The following SBF2 variants were observed in gnomAD, a reference collection of about 807,000 sequenced individuals.
The protein encoded by SBF2 is SET binding factor 2, also known as myotubularin-related protein 13.
A neutral mutation model predicts 225.2 loss-of-function variants in SBF2; 112 were observed. The ratio of observed to expected loss-of-function variants is 0.50; its 90% CI spans 0.43 to 0.58. The LOEUF is 0.58. Ranked by LOEUF, SBF2 falls within the 20% of genes least tolerant of loss-of-function variation. The pLI, the probability that SBF2 is intolerant of heterozygous loss-of-function variation, is 0.00. For missense variants in SBF2, 1,996 were observed against 2,206.2 expected, an observed-to-expected ratio of 0.90 and a Z score of 1.91; for synonymous variants, 763 against 773.3, an observed-to-expected ratio of 0.99 and a Z score of 0.22.
chr11:9,961,772 C>A (rs1866585283), intron 16 of SBF2, 185 bp downstream of exon 16: 4 of 530,756 alleles, frequency 7.5e-6, no homozygotes, highest in South Asian at 6.0e-5. Context: ...AAAGAAAGAA[C>A]AAAAACTCTT....
At chr11:9,813,270 A>G (rs2133905618) in intron 29 of SBF2, among the ~76,000 whole-genome samples, 1 of 152,326 alleles carries the variant, frequency 6.6e-6, no homozygotes, top group East Asian at 1.9e-4. Flanking sequence ...GTAGAGATAA[A>G]TATTGAGAAA....
chr11:9,846,723 G>A (rs112549556), intron 23 of SBF2, among the ~76,000 whole-genome samples: 1 of 152,190 alleles, frequency 6.6e-6, no homozygotes, highest in Non-Finnish European at 1.5e-5. Context: ...AAGTTTCTAA[G>A]ATCACTCATT....
chr11:9,847,573 T>A (rs1305233664), intron 22 of SBF2, among the ~76,000 whole-genome samples: 1 of 150,950 alleles, frequency 6.6e-6, no homozygotes, highest in Non-Finnish European at 1.5e-5. Flanking sequence ...ATATTTAATA[T>A]AAGGATAAAG....
At chr11:10,226,453 T>C (rs575536430) in intron 1 of SBF2, among the ~76,000 whole-genome samples, 30 of 152,050 alleles carry the variant, frequency 2.0e-4, no homozygotes, top group Non-Finnish European at 3.7e-4. Context: ...TAGCATTAGG[T>C]GTATCTCCTA....
intron 2 of SBF2, among the ~76,000 whole-genome samples, chr11:10,043,560 C>T (rs1244824666): frequency 6.8e-6 from 1 of 147,780 alleles, no homozygotes; most frequent in Non-Finnish European, 1.5e-5. Flanking sequence ...TCCAGAAATA[C>T]TTGCAGGTTA....
chr11:10,184,753 G>C (rs1167717085), intron 2 of SBF2, among the ~76,000 whole-genome samples: 1 of 152,148 alleles, frequency 6.6e-6, no homozygotes, highest in Non-Finnish European at 1.5e-5. Context: ...TTGAGACGGA[G>C]TCTCACTCTG....
At position 9,847,678 on chromosome 11, in the gene SBF2, G is replaced by A. The variant is rs114303163; in HGVS notation, c.2807-595C>T. Reference sequence around the variant, plus strand: ...TTGGAAAACAAGCCTGGACTTAAGCGCAAGACTTTTAGGAGTTTATTAAAG... The same window carrying A: ...TTGGAAAACAAGCCTGGACTTAAGCACAAGACTTTTAGGAGTTTATTAAAG... On this transcript the variant is annotated intron_variant, in intron 22 of 39. Coordinates refer to ENST00000256190, the MANE Select transcript of SBF2 (RefSeq NM_030962.4). Among the ~76,000 whole-genome samples the A allele has an allele frequency of 4.7e-3, 713 of 152,198 alleles. 3 individuals are homozygous for A. The highest frequency in any genetic ancestry group is 0.016 in the African/African-American group (665 of 41,540).
chr11:10,008,646 A>T (rs1948304121), intron 6 of SBF2, among the ~76,000 whole-genome samples: 1 of 152,264 alleles, frequency 6.6e-6, no homozygotes, highest in African/African-American at 2.4e-5. Flanking sequence ...TCAATGGGAC[A>T]GATGGGAAAA....
chr11:9,907,493 C>CA (rs1274475992), intron 16 of SBF2, among the ~76,000 whole-genome samples: 2 of 151,878 alleles, frequency 1.3e-5, no homozygotes, highest in African/African-American at 4.8e-5. Context: ...CAATGTTAAG[C>CA]AAAAAATAGG....
chr11:10,128,197 C>A (rs1953852777), intron 2 of SBF2, among the ~76,000 whole-genome samples: 1 of 152,196 alleles, frequency 6.6e-6, no homozygotes, highest in Non-Finnish European at 1.5e-5. Flanking sequence ...TAAACACACA[C>A]TTGTTTGTTT....
chr11:9,976,358 C>T (rs1946682652), intron 13 of SBF2, among the ~76,000 whole-genome samples: 1 of 152,132 alleles, frequency 6.6e-6, no homozygotes, highest in Admixed American at 6.5e-5. Flanking sequence ...AGGCGTGAGC[C>T]ACTGCGCCTG....
chr11:10,144,994 A>G (rs542962064), intron 2 of SBF2, among the ~76,000 whole-genome samples: 1 of 152,250 alleles, frequency 6.6e-6, no homozygotes, highest in Non-Finnish European at 1.5e-5. Flanking sequence ...CTGTTGCTAC[A>G]TAATAAATTA....
At chr11:9,977,399 A>G (rs1946745904) in intron 13 of SBF2, among the ~76,000 whole-genome samples, 1 of 151,594 alleles carries the variant, frequency 6.6e-6, no homozygotes. Flanking sequence ...AAGCAGGAGG[A>G]TTGCTTGAAC....
intron 17 of SBF2, among the ~76,000 whole-genome samples, chr11:9,873,656 C>T (rs1334039490): frequency 4.6e-5 from 7 of 152,144 alleles, no homozygotes; most frequent in African/African-American, 1.4e-4. Context: ...GAGGCATATA[C>T]CTAGAAAGTT....
At chr11:10,088,688 C>A (rs937043430) in intron 2 of SBF2, among the ~76,000 whole-genome samples, 7 of 152,200 alleles carry the variant, frequency 4.6e-5, no homozygotes, top group African/African-American at 1.4e-4. Flanking sequence ...ACCTCCCCAT[C>A]CCCTGCAGAA....
At position 9,799,010 on chromosome 11, in the gene SBF2, A is replaced by G. The variant is rs80291067; in HGVS notation, c.4444-3053T>C. On this transcript the variant is annotated intron_variant, in intron 32 of 39. Transcript: ENST00000256190. The stretch of plus-strand genomic sequence containing the variant: ...AAAACTGTATTAAAGCCTCAAAATA[A>G]CATTTCTCTCAATGACTATTCTTCA... Among the ~76,000 whole-genome samples, 1,204 of 152,184 alleles carry G rather than the reference A, an allele frequency of 7.9e-3. 16 individuals are homozygous for G. The highest frequency in any genetic ancestry group is 0.028 in the African/African-American group (1,149 of 41,516).
chr11:9,985,298 G>A (rs1393578141), intron 13 of SBF2, among the ~76,000 whole-genome samples: 4 of 152,056 alleles, frequency 2.6e-5, no homozygotes, highest in African/African-American at 4.8e-5. Flanking sequence ...GCGAGCAGGG[G>A]TAGCTATTCT....
At chr11:10,046,866 T>C (rs10770082) in intron 2 of SBF2, among the ~76,000 whole-genome samples, 64,298 of 131,606 alleles carry the variant, frequency 0.49, 14,955 homozygotes, top group Admixed American at 0.59. Flanking sequence ...TGTAAACAGA[T>C]AATCTGAAAG....
At chr11:9,992,137 T>G (rs997025383) in intron 12 of SBF2, among the ~76,000 whole-genome samples, 1 of 152,126 alleles carries the variant, frequency 6.6e-6, no homozygotes, top group African/African-American at 2.4e-5. Flanking sequence ...AATTCTGAGA[T>G]TTTAGTGCAC....
Sources: allele counts gnomAD v4.1 joint callset (sites outside exome capture counted in the v4.1 genomes callset), GRCh38; gene constraint gnomAD v4.1.1; transcripts MANE v1.5; gene names NCBI Gene and HGNC (gene_info 2026-07-23, HGNC 2026-07-21).